The following MAPKAPK5 variants were observed in gnomAD, a reference collection of about 807,000 sequenced individuals.
MAPKAPK5 encodes the protein MAP kinase-activated protein kinase 5.
A neutral mutation model predicts 65.1 loss-of-function variants in MAPKAPK5; 30 were observed. That is an observed-to-expected ratio of 0.46 (90% CI 0.34 to 0.63). The LOEUF (loss-of-function observed/expected upper bound fraction) is 0.63, where lower values mean the gene tolerates loss of function less well. Ranked by LOEUF, MAPKAPK5 falls within the 20% of genes least tolerant of loss-of-function variation. The pLI, the probability that MAPKAPK5 is intolerant of heterozygous loss-of-function variation, is 0.01. For missense variants in MAPKAPK5, 433 were observed against 581.4 expected, an observed-to-expected ratio of 0.74 and a Z score of 2.63; for synonymous variants, 179 against 204.6, an observed-to-expected ratio of 0.87 and a Z score of 1.07.
At chr12:111,890,279 T>C in intron 13 of MAPKAPK5, 135 bp downstream of exon 13, 2 of 659,406 alleles carry the variant, frequency 3.0e-6, no homozygotes, top group Non-Finnish European at 5.4e-6. Context: ...GAGTGGAGCA[T>C]TGTGGAATGG....
At chr12:111,870,401 T>C (rs758636169) in intron 6 of MAPKAPK5, 41 bp downstream of exon 6, 19 of 1,523,686 alleles carry the variant, frequency 1.2e-5, no homozygotes. Context: ...CTGCAACTCT[T>C]AACATAGTTC....
chr12:111,894,949 A>G lies in MAPKAPK5; in HGVS notation c.*1888A>G, dbSNP rs375332417. 1.3e-5 allele frequency: 2 copies of G among 151,954 alleles called. No homozygotes were observed. Among genetic ancestry groups the G allele is most frequent in the African/African-American group, 4.8e-5 (2 of 41,326 alleles). The allele number at this position is 151,954 out of a possible 1,614,324, so 9.4% of individuals were successfully genotyped here. A position where few individuals can be genotyped will look rare whatever the true frequency, so the allele number is the denominator to read the frequency against. On this transcript the variant is annotated 3_prime_UTR_variant, in exon 14 of 14. Transcript: ENST00000550735. Reference sequence around the variant, plus strand: ...TGATCTCACCAGCAACTTATTTTCTAACTCCTCCACTGTGCTGAGTAATTC... The same window carrying G: ...TGATCTCACCAGCAACTTATTTTCTGACTCCTCCACTGTGCTGAGTAATTC...
Position 111,880,504 on chromosome 12 carries a change from C to T in MAPKAPK5, c.637C>T (p.Pro213Ser). The change falls in exon 8 of 14, where the codon CCG becomes TCG. Residue 213 changes from proline to serine, a missense_variant. Physicochemically the swap from Pro to Ser is moderately conservative, Grantham distance 74. Coordinates refer to ENST00000550735, the MANE Select transcript of MAPKAPK5 (RefSeq NM_003668.4). ...GAAATCTGGCATCATACCTACCTCA[C>T]CGACGCCCTACACTTACAACAAGGT... is the stretch of plus-strand genomic sequence containing the variant. ...KEKSGIIPTS[P>S]TPYTYNKSCD... The T allele has an allele frequency of 1.2e-6, 2 of 1,612,718 alleles. No homozygotes were observed. Among genetic ancestry groups the T allele is most frequent in the Non-Finnish European group, 1.7e-6 (2 of 1,179,446 alleles).
intron 6 of MAPKAPK5, 43 bp downstream of exon 6, chr12:111,870,403 ACATAGTT>A: frequency 1.3e-6 from 2 of 1,524,392 alleles, no homozygotes; most frequent in Middle Eastern, 1.7e-4. Flanking sequence ...GCAACTCTTA[ACATAGTT>A]CAGGAGTGGG....
intron 13 of MAPKAPK5, among the ~76,000 whole-genome samples, chr12:111,891,703 A>C (rs1426273945): frequency 6.6e-6 from 1 of 150,912 alleles, no homozygotes; most frequent in Admixed American, 6.6e-5. Context: ...GCTACTCAGG[A>C]GGCTGAGGCA....
rs546833170 is a variant in MAPKAPK5 at position 111,855,765 on chromosome 12, T to C, written c.37-9485T>C. Among the ~76,000 whole-genome samples, 3 of 151,608 alleles carry C rather than the reference T, an allele frequency of 2.0e-5. No individual in the cohort carries two copies. The East Asian group carries it at 5.9e-4, about 30-fold the overall frequency. ...TCGCTTGAACCTGGGAGGCAGAGAT[T>C]GCAGTGAGCCAAGATTGCGCCACTG... On this transcript the variant is annotated intron_variant, in intron 1 of 13. Transcript: ENST00000550735.
At chr12:111,886,118 G>A in intron 10 of MAPKAPK5, 82 bp downstream of exon 10, 31 of 1,594,292 alleles carry the variant, frequency 1.9e-5, no homozygotes, top group Non-Finnish European at 2.6e-5. Flanking sequence ...AGGGGTTAGA[G>A]GCAAAACAGT....
At chr12:111,891,140 C>A (rs1024878063) in intron 13 of MAPKAPK5, among the ~76,000 whole-genome samples, 24 of 151,924 alleles carry the variant, frequency 1.6e-4, no homozygotes, top group Non-Finnish European at 3.2e-4. Context: ...GTTGCCCAGG[C>A]TGGAATGGAG....
chr12:111,878,398 CTATTTATTTAT>C (rs988874618), intron 7 of MAPKAPK5, among the ~76,000 whole-genome samples: 1 of 150,392 alleles, frequency 6.6e-6, no homozygotes, highest in Non-Finnish European at 1.5e-5. Flanking sequence ...ATTTGTTGTT[CTATTTATTTAT>C]TATTTATTTA....
At chr12:111,877,086 C>T (rs187683442) in intron 7 of MAPKAPK5, among the ~76,000 whole-genome samples, 148 of 152,086 alleles carry the variant, frequency 9.7e-4, no homozygotes, top group African/African-American at 3.3e-3. Context: ...AGCACGATCT[C>T]GGCTCACTGC....
Position 111,897,858 on chromosome 12 carries a change from CAT to C in MAPKAPK5, c.*4798_*4799del, listed in dbSNP as rs1421653096. 1 of 151,762 alleles carries C rather than the reference CAT, an allele frequency of 6.6e-6. No homozygotes were observed. Among genetic ancestry groups the C allele is most frequent in the Admixed American group, 6.6e-5 (1 of 15,190 alleles). The allele number at this position is 151,762 out of a possible 1,614,324, so 9.4% of individuals were successfully genotyped here. Reference sequence around the variant, plus strand: ...GTCGTATCTCATATTTGAAAGGTCTCATGTTGTAAATATTTGACTTGCTGTAA... The same window carrying C: ...GTCGTATCTCATATTTGAAAGGTCTCGTTGTAAATATTTGACTTGCTGTAA... On this transcript the variant is annotated 3_prime_UTR_variant, in exon 14 of 14. Coordinates refer to ENST00000550735, the MANE Select transcript of MAPKAPK5 (RefSeq NM_003668.4).
At chr12:111,889,037 TGTGA>T (rs1026254195) in intron 12 of MAPKAPK5, 37 bp downstream of exon 12, 3 of 1,549,928 alleles carry the variant, frequency 1.9e-6, no homozygotes, top group African/African-American at 1.4e-5. Context: ...TCTGTGTGTC[TGTGA>T]GTGTGTGTGT....
At chr12:111,889,188 G>T in intron 12 of MAPKAPK5, 188 bp downstream of exon 12, 1 of 529,990 alleles carries the variant, frequency 1.9e-6, no homozygotes, top group South Asian at 3.9e-5. Context: ...GACAGTGGGA[G>T]CTTAGAAATG....
At chr12:111,870,390 G>A in intron 6 of MAPKAPK5, 30 bp downstream of exon 6, 1 of 1,560,002 alleles carries the variant, frequency 6.4e-7, no homozygotes, top group Middle Eastern at 1.7e-4. Flanking sequence ...GCATTTTAGT[G>A]CTGCAACTCT....
chr12:111,848,796 C>T (rs2068981396), intron 1 of MAPKAPK5, among the ~76,000 whole-genome samples: 1 of 152,074 alleles, frequency 6.6e-6, no homozygotes, highest in Admixed American at 6.6e-5. Flanking sequence ...GTGGTACGAC[C>T]TTGGCTCACT....
At chr12:111,863,839 A>T (rs2069519780) in intron 1 of MAPKAPK5, among the ~76,000 whole-genome samples, 1 of 152,046 alleles carries the variant, frequency 6.6e-6, no homozygotes, top group Non-Finnish European at 1.5e-5. Context: ...CTCCCACCTC[A>T]GGTGATCCTC....
intron 2 of MAPKAPK5, 33 bp from the exon 3 acceptor site, chr12:111,866,123 G>T: frequency 6.8e-7 from 1 of 1,479,666 alleles, no homozygotes. Flanking sequence ...TAACATATAT[G>T]ATCTCTGATT....
At chr12:111,858,174 G>T (rs2069307751) in intron 1 of MAPKAPK5, among the ~76,000 whole-genome samples, 1 of 152,050 alleles carries the variant, frequency 6.6e-6, no homozygotes, top group Non-Finnish European at 1.5e-5. Flanking sequence ...CAAAGTGCTG[G>T]GATTACAGGC....
In MAPKAPK5 at chr12:111,847,189, C is replaced by CA. The variant is rs759499761; in HGVS notation, c.36+4429dup. Among the ~76,000 whole-genome samples, 585 of 149,998 alleles carry CA rather than the reference C, an allele frequency of 3.9e-3. 2 individuals carry two copies. Among genetic ancestry groups the CA allele is most frequent in the Non-Finnish European group, 4.8e-3 (326 of 67,314 alleles). The stretch of plus-strand genomic sequence containing the variant: ...AAACCCCCATCTCTACTAAAAAAAA[C>CA]AAAAAAAAATTAGCTGGGTGTGGTG... On this transcript the variant is annotated intron_variant, in intron 1 of 13. Coordinates refer to ENST00000550735, the MANE Select transcript of MAPKAPK5 (RefSeq NM_003668.4).
Sources: gnomAD v4.1 joint callset for allele counts (sites outside exome capture counted in the v4.1 genomes callset) on GRCh38, gnomAD v4.1.1 for gene constraint, MANE v1.5 for transcripts, NCBI Gene and HGNC (gene_info 2026-07-23, HGNC 2026-07-21) for gene names.